Variants in MARCHF1 observed in about 807,000 individuals in gnomAD.
MARCHF1 encodes membrane associated ring-CH-type finger 1.
A neutral mutation model predicts 54.2 loss-of-function variants in MARCHF1; 40 were observed. The ratio of observed to expected loss-of-function variants is 0.74; its 90% CI spans 0.57 to 0.96. The LOEUF (loss-of-function observed/expected upper bound fraction) is 0.96. MARCHF1 is among the 40% of genes least tolerant of loss of function. The pLI is 0.00. For missense variants in MARCHF1, 586 were observed against 656.5 expected (o/e 0.89, Z 1.17); for synonymous variants, 236 against 236.3 (o/e 1.00, Z 0.01).
chr4:164,331,566 ACTT>A (rs561028114), intron 1 of MARCHF1, among the ~76,000 whole-genome samples: 19 of 152,206 alleles, frequency 1.2e-4, no homozygotes, highest in Non-Finnish European at 2.5e-4. Context: ...AGCAGAGTTC[ACTT>A]CTTTCTCTTT....
chr4:164,042,392 G>A (rs1476108001), intron 2 of MARCHF1, among the ~76,000 whole-genome samples: 1 of 152,148 alleles, frequency 6.6e-6, no homozygotes, highest in African/African-American at 2.4e-5. Flanking sequence ...CAAGGGAAAG[G>A]GAAAGAAAGC....
intron 4 of MARCHF1, among the ~76,000 whole-genome samples, chr4:163,798,172 T>C (rs1252988481): frequency 6.6e-6 from 1 of 152,138 alleles, no homozygotes; most frequent in African/African-American, 2.4e-5. Context: ...CCTGATCCAA[T>C]AGGAACACGT....
chr4:163,539,326 TG>T, intron 9 of MARCHF1, among the ~76,000 whole-genome samples: 1 of 152,290 alleles, frequency 6.6e-6, no homozygotes, highest in East Asian at 1.9e-4. Context: ...CAGCCTGGGA[TG>T]GTTTTTATAA....
intron 1 of MARCHF1, among the ~76,000 whole-genome samples, chr4:164,248,239 T>C (rs1733017727): frequency 1.3e-5 from 2 of 152,102 alleles, no homozygotes; most frequent in Admixed American, 6.6e-5. Context: ...TGTGGTTTCA[T>C]GAGTTCTTTC....
intron 8 of MARCHF1, among the ~76,000 whole-genome samples, chr4:163,557,195 A>C (rs1478055726): frequency 6.6e-6 from 1 of 152,178 alleles, no homozygotes; most frequent in African/African-American, 2.4e-5. Context: ...CAACTGGCCA[A>C]ATTTCCTCAT....
chr4:163,562,738 C>T (rs11733492), intron 8 of MARCHF1, among the ~76,000 whole-genome samples: 47,922 of 152,066 alleles, frequency 0.32, 9,094 homozygotes, highest in Non-Finnish European at 0.42. Context: ...TCACAGTCAT[C>T]CCAAACCCAT....
intron 4 of MARCHF1, among the ~76,000 whole-genome samples, chr4:163,816,272 T>A (rs999821900): frequency 6.6e-6 from 1 of 152,204 alleles, no homozygotes; most frequent in African/African-American, 2.4e-5. Flanking sequence ...AGGAGATTAC[T>A]TTTCATACAG....
intron 9 of MARCHF1, among the ~76,000 whole-genome samples, chr4:163,529,592 A>C (rs1241990689): frequency 1.3e-5 from 2 of 152,044 alleles, no homozygotes; most frequent in African/African-American, 4.8e-5. Context: ...ACATCTCACC[A>C]GAGAGAGAAT....
intron 2 of MARCHF1, among the ~76,000 whole-genome samples, chr4:164,012,814 C>A (rs891938400): frequency 1.3e-5 from 2 of 152,232 alleles, no homozygotes; most frequent in East Asian, 3.9e-4. Flanking sequence ...AGGATTTGCA[C>A]CATTCCTGAG....
intron 4 of MARCHF1, among the ~76,000 whole-genome samples, chr4:163,843,885 T>C (rs1171829530): frequency 6.6e-6 from 1 of 152,088 alleles, no homozygotes; most frequent in East Asian, 1.9e-4. Flanking sequence ...TAAGTGACGA[T>C]GAGTATTTTT....
chr4:163,853,893 TATATA>T (rs1749701470), intron 4 of MARCHF1, 123 bp downstream of exon 4: 1 of 675,780 alleles, frequency 1.5e-6, no homozygotes, highest in Admixed American at 3.6e-5. Flanking sequence ...ATGAATATAT[TATATA>T]ATACAAATGC....
chr4:163,942,782 A>C (rs1751939426), intron 3 of MARCHF1, among the ~76,000 whole-genome samples: 1 of 147,086 alleles, frequency 6.8e-6, no homozygotes, highest in South Asian at 2.1e-4. Context: ...CTGTTGGACA[A>C]AAAAAGTCTC....
At chr4:164,273,594 A>C (rs1242813326) in intron 1 of MARCHF1, among the ~76,000 whole-genome samples, 5 of 152,248 alleles carry the variant, frequency 3.3e-5, no homozygotes, top group Non-Finnish European at 5.9e-5. Flanking sequence ...TCAGTTGTTT[A>C]GTTACAAGAT....
intron 3 of MARCHF1, among the ~76,000 whole-genome samples, chr4:163,864,115 C>G (rs1194085152): frequency 6.6e-6 from 1 of 151,940 alleles, no homozygotes; most frequent in Non-Finnish European, 1.5e-5. Flanking sequence ...GAAACATAAC[C>G]TCCCACACCA....
chr4:163,532,832 TAA>T (rs1401575506), intron 9 of MARCHF1, among the ~76,000 whole-genome samples: 1 of 151,948 alleles, frequency 6.6e-6, no homozygotes, highest in African/African-American at 2.4e-5. Flanking sequence ...TTAGAATGGC[TAA>T]AGTTTTAAAA....
chr4:164,206,745 T>C (rs1731617652), intron 1 of MARCHF1, among the ~76,000 whole-genome samples: 1 of 152,062 alleles, frequency 6.6e-6, no homozygotes, highest in South Asian at 2.1e-4. Flanking sequence ...AACCTAACTT[T>C]GAATTGGGGT....
At chr4:163,763,599 C>T (rs1373003038) in intron 4 of MARCHF1, among the ~76,000 whole-genome samples, 4 of 151,920 alleles carry the variant, frequency 2.6e-5, no homozygotes, top group Admixed American at 1.3e-4. Context: ...GAATGACTTT[C>T]CCCCCTTACG....
intron 3 of MARCHF1, among the ~76,000 whole-genome samples, chr4:163,855,361 A>G (rs913285234): frequency 6.6e-6 from 1 of 152,196 alleles, no homozygotes; most frequent in South Asian, 2.1e-4. Context: ...AATGGGCAAC[A>G]AATTATTAGT....
chr4:163,586,185 GA>G, intron 7 of MARCHF1, among the ~76,000 whole-genome samples: 1 of 152,208 alleles, frequency 6.6e-6, no homozygotes, highest in East Asian at 1.9e-4. Context: ...GCTGTGAGTA[GA>G]AAATTCCATT....
Sources: allele counts gnomAD v4.1 joint callset (sites outside exome capture counted in the v4.1 genomes callset), GRCh38; gene constraint gnomAD v4.1.1; transcripts MANE v1.5; gene names NCBI Gene and HGNC (gene_info 2026-07-23, HGNC 2026-07-21).